Variants in DRC9 observed in about 807,000 individuals in gnomAD.
DRC9 encodes dynein regulatory complex protein 9.
At chr3:197,933,819 AT>A in the DRC9 span, among the ~76,000 whole-genome samples, 3 of 148,522 alleles carry the variant, frequency 2.0e-5, no homozygotes, top group Admixed American at 6.7e-5. Flanking sequence ...TTTTTATTTC[AT>A]TTTTTTTTGA....
chr3:197,955,689 C>T, the DRC9 span: 1 of 1,378,676 alleles, frequency 7.3e-7, no homozygotes, highest in South Asian at 1.2e-5. Context: ...TATTACGGTT[C>T]TTGATTTGTA....
the DRC9 span, chr3:197,945,701 A>C: frequency 9.9e-7 from 1 of 1,011,006 alleles, no homozygotes; most frequent in South Asian, 1.4e-5. Flanking sequence ...AATGGGAAAG[A>C]AACACTGAGA....
the DRC9 span, among the ~76,000 whole-genome samples, chr3:197,935,912 G>T: frequency 6.6e-6 from 1 of 152,178 alleles, no homozygotes; most frequent in Non-Finnish European, 1.5e-5. Flanking sequence ...ATAGAATGAG[G>T]TGTTGCCTGA....
chr3:197,916,458 T>C, the DRC9 span: 1 of 151,368 alleles, frequency 6.6e-6, no homozygotes, highest in Non-Finnish European at 1.5e-5. Flanking sequence ...ATTATTATTA[T>C]TATTGTAGAA....
At chr3:197,889,887 G>T in the DRC9 span, among the ~76,000 whole-genome samples, 30 of 152,274 alleles carry the variant, frequency 2.0e-4, no homozygotes, top group African/African-American at 6.0e-4. Flanking sequence ...TGTCGTGCAG[G>T]ACCCGGAGCT....
At chr3:197,909,139 C>G in the DRC9 span, among the ~76,000 whole-genome samples, 1 of 152,350 alleles carries the variant, frequency 6.6e-6, no homozygotes, top group South Asian at 2.1e-4. Flanking sequence ...AGTGCTCTAA[C>G]TTGCATATCA....
chr3:197,932,922 T>C, the DRC9 span, among the ~76,000 whole-genome samples: 2 of 132,380 alleles, frequency 1.5e-5, no homozygotes, highest in Non-Finnish European at 3.1e-5. Context: ...ATATGCATAT[T>C]ATGTATTATA....
chr3:197,936,843 G>A, the DRC9 span, among the ~76,000 whole-genome samples: 1 of 152,176 alleles, frequency 6.6e-6, no homozygotes, highest in Non-Finnish European at 1.5e-5. Flanking sequence ...GCCACACACT[G>A]AGAATGAAAA....
At chr3:197,904,095 TATATATATATATA>T in the DRC9 span, among the ~76,000 whole-genome samples, 27 of 45,388 alleles carry the variant, frequency 5.9e-4, no homozygotes, top group East Asian at 1.0e-2. Context: ...TACATATATA[TATATATATATATA>T]TATTTTTTTT....
the DRC9 span, among the ~76,000 whole-genome samples, chr3:197,947,371 T>C: frequency 2.0e-5 from 3 of 152,326 alleles, no homozygotes; most frequent in South Asian, 4.1e-4. Context: ...CCCGTTGCCT[T>C]AGGACAAAGA....
At chr3:197,945,775 TA>T in the DRC9 span, 1 of 625,280 alleles carries the variant, frequency 1.6e-6, no homozygotes. Context: ...AAGAGAAAAT[TA>T]AATGATTACG....
At chr3:197,949,893 A>T in the DRC9 span, 2 of 396,534 alleles carry the variant, frequency 5.0e-6, no homozygotes, top group African/African-American at 4.1e-5. Context: ...TCGCCTTTCC[A>T]CCTACGGCGT....
At chr3:197,904,048 A>G in the DRC9 span, among the ~76,000 whole-genome samples, 1 of 100,512 alleles carries the variant, frequency 9.9e-6, no homozygotes, top group Non-Finnish European at 2.0e-5. Context: ...ACATATATAT[A>G]CATACATATA....
At chr3:197,936,205 G>A in the DRC9 span, among the ~76,000 whole-genome samples, 1 of 152,056 alleles carries the variant, frequency 6.6e-6, no homozygotes, top group African/African-American at 2.4e-5. Context: ...TTGTAATTTT[G>A]TCTTTTGACA....
the DRC9 span, among the ~76,000 whole-genome samples, chr3:197,903,508 C>G: frequency 6.6e-6 from 1 of 152,080 alleles, no homozygotes; most frequent in African/African-American, 2.4e-5. Flanking sequence ...TGGCAGTGCA[C>G]TCCTGTAGTC....
At chr3:197,935,683 A>G in the DRC9 span, among the ~76,000 whole-genome samples, 5 of 151,656 alleles carry the variant, frequency 3.3e-5, no homozygotes, top group East Asian at 2.0e-4. Context: ...AGGTCTCGCT[A>G]TGTTGCCCAG....
At chr3:197,912,772 G>T in the DRC9 span, 1 of 1,589,428 alleles carries the variant, frequency 6.3e-7, no homozygotes, top group Non-Finnish European at 8.6e-7. Context: ...TCAGATACCA[G>T]TACGTCTTCC....
At chr3:197,934,086 ATCTT>A in the DRC9 span, among the ~76,000 whole-genome samples, 79 of 147,496 alleles carry the variant, frequency 5.4e-4, no homozygotes, top group Admixed American at 1.3e-3. Context: ...GCATCTATTG[ATCTT>A]TCTATTTATT....
the DRC9 span, chr3:197,955,869 T>C: frequency 9.5e-7 from 1 of 1,053,526 alleles, no homozygotes. Context: ...GCTACATGCT[T>C]AAAATGATAG....
Sources: gnomAD v4.1 joint callset for allele counts (sites outside exome capture counted in the v4.1 genomes callset) on GRCh38, gnomAD v4.1.1 for gene constraint, MANE v1.5 for transcripts, NCBI Gene and HGNC (gene_info 2026-07-23, HGNC 2026-07-21) for gene names.